Variants in ANO3 observed in about 807,000 individuals in gnomAD.
ANO3 encodes anoctamin-3.
ANO3 carries 99 observed loss-of-function variants against 144.8 expected under a neutral mutation model. The ratio of observed to expected loss-of-function variants is 0.68; its 90% CI spans 0.58 to 0.81. The LOEUF is 0.81. Ranked by LOEUF, ANO3 falls within the 30% of genes least tolerant of loss-of-function variation. ANO3 has a pLI of 0.00. For synonymous variants in ANO3, 414 were observed against 392.6 expected (o/e 1.05, Z -0.64); for missense variants, 905 against 1,202.2 (o/e 0.75, Z 3.66).
rs1458612996 is a variant in ANO3 at position 26,660,332 on chromosome 11, G to A, written c.2834G>A (p.Arg945Gln). 18 of 1,613,536 alleles carry A rather than the reference G, an allele frequency of 1.1e-5. No homozygotes were observed. Among genetic ancestry groups the A allele is most frequent in the Admixed American group, 3.3e-5 (2 of 59,950 alleles). ...IPDVPKGLHD[R>Q]IRREKYLVQE... is the part of the protein sequence containing the mutation. The stretch of plus-strand genomic sequence containing the variant: ...GACGTACCAAAGGGTCTACATGACC[G>A]AATACGACGAGAGAAGTACTTAGTT... Residue 945 changes from arginine (R) to glutamine (Q), a missense_variant, in exon 27 of 27, where the codon CGA (arginine) becomes CAA (glutamine). Around this residue, in one of 4 missense-constraint regions of ANO3, gnomAD observed 597 missense variants for 865.1 expected, o/e 0.69. Transcript: ENST00000256737.
Position 26,203,332 on chromosome 11 carries a change from T to C in ANO3, c.154+14002T>C, listed in dbSNP as rs774284813. On this transcript the variant is annotated intron_variant, in intron 1 of 27. Transcript: ENST00000672621. The stretch of plus-strand genomic sequence containing the variant: ...GAGAGGCAACATTGTACGCTACCTT[T>C]TTAGTGCTTTTTCCAAATTGGGTCC... Among the ~76,000 whole-genome samples, 12 of 152,242 alleles carry C rather than the reference T, an allele frequency of 7.9e-5. No individual in the cohort carries two copies. In the Middle Eastern group the frequency reaches 0.014, roughly 173 times the overall value.
At chr11:26,602,304 A>T (rs953623421) in intron 17 of ANO3, among the ~76,000 whole-genome samples, 1 of 152,190 alleles carries the variant, frequency 6.6e-6, no homozygotes, top group Non-Finnish European at 1.5e-5. Flanking sequence ...GTGGCATGTA[A>T]AGAGTATGGA....
chr11:26,417,285 A>G (rs1857618548), intron 1 of ANO3, among the ~76,000 whole-genome samples: 2 of 152,152 alleles, frequency 1.3e-5, no homozygotes, highest in African/African-American at 4.8e-5. Flanking sequence ...GACACAACCC[A>G]AATATCTTTC....
intron 1 of ANO3, among the ~76,000 whole-genome samples, chr11:26,416,756 C>T (rs1857600802): frequency 6.6e-6 from 1 of 151,990 alleles, no homozygotes; most frequent in Admixed American, 6.6e-5. Flanking sequence ...TCTGCTGAAA[C>T]TGAACTCTAC....
chr11:26,474,041 G>C, intron 4 of ANO3: 4 of 985,158 alleles, frequency 4.1e-6, no homozygotes, highest in Non-Finnish European at 4.8e-6. Context: ...TTGTCACACT[G>C]AAGAGTGCTT....
At chr11:26,529,958 A>G (rs1373133375) in intron 7 of ANO3, among the ~76,000 whole-genome samples, 1 of 152,152 alleles carries the variant, frequency 6.6e-6, no homozygotes, top group African/African-American at 2.4e-5. Context: ...TAAACCCGTT[A>G]CTCAAAGTAT....
At chr11:26,298,691 C>T (rs187149747) in intron 1 of ANO3, among the ~76,000 whole-genome samples, 147 of 152,236 alleles carry the variant, frequency 9.7e-4, no homozygotes, top group Admixed American at 1.7e-3. Context: ...TCATTTTGGG[C>T]AATGGAGACG....
At chr11:26,392,019 A>G (rs1026976711) in intron 1 of ANO3, among the ~76,000 whole-genome samples, 1 of 152,054 alleles carries the variant, frequency 6.6e-6, no homozygotes, top group African/African-American at 2.4e-5. Context: ...TTCCTAATGA[A>G]TCCTCTTTCT....
chr11:26,401,044 T>A (rs997801645), intron 1 of ANO3, among the ~76,000 whole-genome samples: 7 of 152,042 alleles, frequency 4.6e-5, no homozygotes, highest in African/African-American at 1.7e-4. Flanking sequence ...CCAAATTATC[T>A]ACCTTTGGAT....
chr11:26,410,482 A>G (rs1425850888), intron 1 of ANO3, among the ~76,000 whole-genome samples: 1 of 151,884 alleles, frequency 6.6e-6, no homozygotes, highest in African/African-American at 2.4e-5. Context: ...ATTGAACACA[A>G]GTTGATTCTA....
At chr11:26,598,656 T>G (rs561889806) in intron 15 of ANO3, among the ~76,000 whole-genome samples, 2 of 152,374 alleles carry the variant, frequency 1.3e-5, no homozygotes, top group East Asian at 3.9e-4. Flanking sequence ...TTCTTTAAAT[T>G]ACATTAGTGG....
intron 1 of ANO3, among the ~76,000 whole-genome samples, chr11:26,294,993 A>G (rs1283287693): frequency 6.6e-6 from 1 of 151,870 alleles, no homozygotes; most frequent in Non-Finnish European, 1.5e-5. Context: ...CCGCCTCCTG[A>G]ATTCAAGCGA....
chr11:26,493,272 C>G (rs759980019), intron 4 of ANO3, among the ~76,000 whole-genome samples: 5 of 152,000 alleles, frequency 3.3e-5, no homozygotes, highest in Non-Finnish European at 5.9e-5. Context: ...AAAGATTATA[C>G]CTCTGAGTTT....
intron 1 of ANO3, among the ~76,000 whole-genome samples, chr11:26,261,748 G>C (rs1375581576): frequency 6.6e-6 from 1 of 152,192 alleles, no homozygotes; most frequent in Non-Finnish European, 1.5e-5. Context: ...AGAACAAAGA[G>C]TGAATATATT....
At chr11:26,259,374 G>A (rs1038384910) in intron 1 of ANO3, among the ~76,000 whole-genome samples, 5 of 152,118 alleles carry the variant, frequency 3.3e-5, no homozygotes, top group African/African-American at 1.2e-4. Flanking sequence ...AAATGGCCAG[G>A]CATGGTGGCT....
chr11:26,635,263 C>T (rs1485166967), intron 20 of ANO3, among the ~76,000 whole-genome samples, 193 bp downstream of exon 20: 1 of 152,148 alleles, frequency 6.6e-6, no homozygotes, highest in Non-Finnish European at 1.5e-5. Flanking sequence ...CCAAGATTCT[C>T]ACCTCAGCTC....
intron 1 of ANO3, among the ~76,000 whole-genome samples, chr11:26,362,606 A>G (rs149752375): frequency 6.6e-6 from 1 of 152,206 alleles, no homozygotes. Context: ...CTCCTGGTGT[A>G]TGCCTTAGAT....
chr11:26,494,900 G>A (rs4274172), intron 4 of ANO3, among the ~76,000 whole-genome samples: 8,135 of 152,138 alleles, frequency 0.053, 413 homozygotes, highest in African/African-American at 0.13. Flanking sequence ...TATTATCAGA[G>A]TAGGGTTAGA....
At chr11:26,231,621 G>A (rs369198394) in intron 1 of ANO3, among the ~76,000 whole-genome samples, 4 of 152,122 alleles carry the variant, frequency 2.6e-5, no homozygotes, top group African/African-American at 7.2e-5. Context: ...AACCTCTGGG[G>A]TTTCGGATTC....
Sources: gnomAD v4.1 joint callset for allele counts (sites outside exome capture counted in the v4.1 genomes callset) on GRCh38, gnomAD v4.1.1 for gene constraint, gnomAD v4.1.1 regional missense constraint, MANE v1.5 for transcripts, NCBI Gene and HGNC (gene_info 2026-07-23, HGNC 2026-07-21) for gene names.